Variants in LIN9 observed in about 807,000 individuals in gnomAD.
The protein encoded by LIN9 is lin-9 DREAM MuvB core complex component.
A neutral mutation model predicts 78.0 loss-of-function variants in LIN9; 18 were observed. The ratio of observed to expected loss-of-function variants is 0.23; its 90% confidence interval spans 0.16 to 0.34. LIN9 has a LOEUF of 0.34. Ranked by LOEUF, LIN9 falls within the 10% of genes least tolerant of loss-of-function variation. The pLI is 1.00. For synonymous variants in LIN9, 192 were observed against 215.2 expected (o/e 0.89, Z 0.94); for missense variants, 451 against 644.1 (o/e 0.70, Z 3.25).
At position 226,233,146 on chromosome 1, in the gene LIN9, A is replaced by T; in HGVS notation, c.1473T>A (p.Leu491=). 1 of 1,608,114 alleles carries T rather than the reference A, an allele frequency of 6.2e-7. No individual in the cohort carries two copies. Among genetic ancestry groups the T allele is most frequent in the East Asian group, 2.2e-5 (1 of 44,784 alleles). The change falls in exon 14 of 15, where the codon CTT becomes CTA. Residue 491 remains leucine (L), a synonymous_variant. Coordinates refer to ENST00000681046, the MANE Select transcript of LIN9 (RefSeq NM_001366245.2). ...GDLNSFEFKS[L]TDSLNDIKST... ...TCTTGATATCATTTAATGAGTCTGTAAGTGATTTGAATTCAAAGGAATTCA... is the reference window on the plus strand; with the variant it reads ...TCTTGATATCATTTAATGAGTCTGTTAGTGATTTGAATTCAAAGGAATTCA...
chr1:226,298,634 G>A (rs1356294278), intron 2 of LIN9, among the ~76,000 whole-genome samples: 2 of 152,196 alleles, frequency 1.3e-5, no homozygotes, highest in Non-Finnish European at 1.5e-5. Context: ...GCCGAGGTGG[G>A]TGGATCATTT....
At chr1:226,247,482 C>T (rs1429191048) in intron 11 of LIN9, among the ~76,000 whole-genome samples, 6 of 152,110 alleles carry the variant, frequency 3.9e-5, no homozygotes, top group Non-Finnish European at 8.8e-5. Context: ...CTTGGTGGGT[C>T]TCTGGACTCT....
upstream of LIN9, chr1:226,309,604 C>T (rs959862267): frequency 1.6e-6 from 2 of 1,243,854 alleles, no homozygotes; most frequent in Admixed American, 2.6e-5. Context: ...CGAGGGGGCT[C>T]TACGCAAAGT....
intron 1 of LIN9, among the ~76,000 whole-genome samples, chr1:226,307,781 C>G (rs1247602948): frequency 3.3e-5 from 5 of 152,178 alleles, no homozygotes; most frequent in Non-Finnish European, 7.3e-5. Flanking sequence ...AAATAAAATT[C>G]AAAATTCAGT....
At chr1:226,275,181 T>C (rs1576324764) in intron 7 of LIN9, among the ~76,000 whole-genome samples, 2 of 152,226 alleles carry the variant, frequency 1.3e-5, no homozygotes, top group South Asian at 2.1e-4. Context: ...ATTTAGAGCA[T>C]GTTTACTCCT....
chr1:226,250,816 GAAAA>G lies in LIN9; in HGVS notation c.1119+19_1119+22del, dbSNP rs750200706. 7 of 1,210,104 alleles carry G rather than the reference GAAAA, an allele frequency of 5.8e-6. No homozygotes were observed. The African/African-American group carries it at 6.1e-5, about 11-fold the overall frequency. 75.0% of individuals were successfully genotyped at this position (1,210,104 alleles called of 1,614,324 possible). A position where few individuals can be genotyped will look rare whatever the true frequency, so the allele number is the denominator to read the frequency against. On this transcript the variant is annotated intron_variant, in intron 11 of 14. Coordinates refer to ENST00000681046, the MANE Select transcript of LIN9 (RefSeq NM_001366245.2). ...TTTTAAAATTAGACAAGCAAATGAA[GAAAA>G]AAAAAGAGAAATTCTTACCAATTTT...
chr1:226,265,418 C>T lies in LIN9; in HGVS notation c.1038+115G>A. The T allele has an allele frequency of 1.9e-6, 1 of 534,074 alleles. No individual in the cohort carries two copies. The highest frequency in any genetic ancestry group is 3.2e-5 in the East Asian group (1 of 31,342). The allele number at this position is 534,074 out of a possible 1,614,324, so 33.1% of individuals were successfully genotyped here. A position where few individuals can be genotyped will look rare whatever the true frequency, so the allele number is the denominator to read the frequency against. On this transcript the variant is annotated intron_variant, in intron 10 of 14. Coordinates refer to ENST00000681046, the MANE Select transcript of LIN9 (RefSeq NM_001366245.2). This position sits in a 1 kb window ranked among gnomAD's most constrained non-coding sequence, Gnocchi z 4.1. ...TCAGGCTTTGTTGGAAATAGCAGCTCTTAAAACCTACACGGTGATAAACCT... is the reference window on the plus strand; with the variant it reads ...TCAGGCTTTGTTGGAAATAGCAGCTTTTAAAACCTACACGGTGATAAACCT...
At chr1:226,267,421 T>G (rs1195960889) in intron 8 of LIN9, among the ~76,000 whole-genome samples, 1 of 27,514 alleles carries the variant, frequency 3.6e-5, no homozygotes, top group Non-Finnish European at 7.6e-5. Context: ...AGACTCCGTC[T>G]CAAAAAAAAA....
At chr1:226,269,376 G>A (rs907386929) in intron 7 of LIN9, among the ~76,000 whole-genome samples, 1 of 152,172 alleles carries the variant, frequency 6.6e-6, no homozygotes, top group African/African-American at 2.4e-5. Flanking sequence ...GCATGAAGAG[G>A]CTGGTAATTC....
chr1:226,273,834 CTTTTTTT>C (rs572172734), intron 7 of LIN9, among the ~76,000 whole-genome samples: 2 of 137,136 alleles, frequency 1.5e-5, no homozygotes, highest in African/African-American at 5.4e-5. Context: ...CTCAACATTA[CTTTTTTT>C]TTTTTTTTTT....
chr1:226,309,401 G>T (rs1293012785), upstream of LIN9: 4 of 992,360 alleles, frequency 4.0e-6, no homozygotes, highest in Non-Finnish European at 4.8e-6. Context: ...GAAGGAGGCC[G>T]CACGGCGAGG....
chr1:226,268,198 TAG>T (rs1576315452), intron 7 of LIN9, 108 bp from the exon 8 acceptor site: 2 of 1,030,936 alleles, frequency 1.9e-6, no homozygotes, highest in Non-Finnish European at 1.3e-6. Context: ...TTTTGTCTAT[TAG>T]AGTTTCAAAA....
At chr1:226,282,694 G>A (rs376807341) in intron 6 of LIN9, among the ~76,000 whole-genome samples, 1 of 152,182 alleles carries the variant, frequency 6.6e-6, no homozygotes, top group African/African-American at 2.4e-5. Context: ...GGTGGCAGGC[G>A]CCTGTAATCC....
intron 11 of LIN9, among the ~76,000 whole-genome samples, chr1:226,242,951 T>C (rs959561584): frequency 6.6e-6 from 1 of 152,254 alleles, no homozygotes; most frequent in Non-Finnish European, 1.5e-5. Context: ...AAGGATACAG[T>C]ATATAATGCA....
chr1:226,304,917 G>C (rs1662805412), intron 1 of LIN9, among the ~76,000 whole-genome samples: 1 of 152,122 alleles, frequency 6.6e-6, no homozygotes, highest in Non-Finnish European at 1.5e-5. Flanking sequence ...ATATGGGCCT[G>C]GCCTGGCACA....
chr1:226,247,810 TACAGGTGC>T (rs1419276158), intron 11 of LIN9, among the ~76,000 whole-genome samples: 3 of 152,162 alleles, frequency 2.0e-5, no homozygotes, highest in Admixed American at 6.5e-5. Context: ...TAGCTGGGAT[TACAGGTGC>T]ACACCTATCA....
rs777395505 is a variant in LIN9, at chr1:226,287,759, A to G, written c.303T>C (p.Ala101=). The part of the protein sequence containing the change: ...TATMSTPDKK[A]SQKIGFRLRN... ...GTAATCGAAAACCAATCTTCTGTGA[A>G]GCTTTCTTATCTGGTGTTGACATTG... Residue 101 remains alanine, a synonymous_variant, in exon 5 of 15, where the codon GCT becomes GCC. Coordinates refer to ENST00000681046, the MANE Select transcript of LIN9 (RefSeq NM_001366245.2). 1 of 1,553,540 alleles carries G rather than the reference A, an allele frequency of 6.4e-7. No individual in the cohort carries two copies. Among genetic ancestry groups the G allele is most frequent in the South Asian group, 1.2e-5 (1 of 82,156 alleles).
chr1:226,272,956 G>T (rs1660400875), intron 7 of LIN9, among the ~76,000 whole-genome samples: 1 of 151,984 alleles, frequency 6.6e-6, no homozygotes, highest in South Asian at 2.1e-4. Flanking sequence ...GATTCAGCTG[G>T]ACATCATCAC....
intron 1 of LIN9, among the ~76,000 whole-genome samples, chr1:226,304,072 T>C (rs1662741170): frequency 6.6e-6 from 1 of 152,250 alleles, no homozygotes; most frequent in Admixed American, 6.5e-5. Context: ...AAATGAGGAT[T>C]AAATGAGTTA....
Sources: allele counts gnomAD v4.1 joint callset (sites outside exome capture counted in the v4.1 genomes callset), GRCh38; gene constraint gnomAD v4.1.1; non-coding constraint Gnocchi (gnomAD v3.1); transcripts MANE v1.5; gene names NCBI Gene and HGNC (gene_info 2026-07-23, HGNC 2026-07-21).